The following FOXP4 variants were observed in gnomAD, a reference collection of about 807,000 sequenced individuals.
FOXP4 encodes the protein forkhead box protein P4.
FOXP4 carries 25 observed loss-of-function variants against 82.6 expected under a neutral mutation model. The ratio of observed to expected loss-of-function variants is 0.30; its 90% confidence interval spans 0.22 to 0.42. The LOEUF (loss-of-function observed/expected upper bound fraction) is 0.42, where lower values mean the gene tolerates loss of function less well. Among genes scored for constraint, FOXP4 ranks in the 10% least tolerant of loss-of-function variants. The pLI is 1.00. For synonymous variants in FOXP4, 415 were observed against 388.2 expected, an observed-to-expected ratio of 1.07 and a Z score of -0.81; for missense variants, 785 against 900.9, an observed-to-expected ratio of 0.87 and a Z score of 1.65.
chr6:41,584,316 T>G (rs1421419563), intron 3 of FOXP4, among the ~76,000 whole-genome samples: 3 of 152,232 alleles, frequency 2.0e-5, no homozygotes, highest in African/African-American at 7.2e-5. Context: ...TTGCAGGAAG[T>G]GGTCTCAAAA....
chr6:41,556,491 AT>A (rs1168200451), intron 1 of FOXP4, among the ~76,000 whole-genome samples: 2 of 151,778 alleles, frequency 1.3e-5, no homozygotes, highest in Non-Finnish European at 2.9e-5. Flanking sequence ...CGCCCAGCTA[AT>A]TTTTTGTATT....
At chr6:41,594,042 C>T (rs1440385825) in intron 13 of FOXP4, among the ~76,000 whole-genome samples, 1 of 152,028 alleles carries the variant, frequency 6.6e-6, no homozygotes, top group Non-Finnish European at 1.5e-5. Context: ...CTGAGGGACA[C>T]GATGAGGTGG....
intron 7 of FOXP4, 65 bp downstream of exon 7, chr6:41,587,577 C>G (rs1766224039): frequency 7.5e-7 from 1 of 1,328,590 alleles, no homozygotes; most frequent in South Asian, 1.4e-5. Context: ...GCCCCCCACC[C>G]ATGAGGGCTG....
At chr6:41,565,661 T>C in intron 1 of FOXP4, 84 bp from the exon 2 acceptor site, 1 of 1,232,416 alleles carries the variant, frequency 8.1e-7, no homozygotes, top group Non-Finnish European at 1.1e-6. Context: ...CCTGTGGCGA[T>C]GGTTATGTTT....
intron 3 of FOXP4, among the ~76,000 whole-genome samples, chr6:41,583,770 GC>G (rs1478390562): frequency 2.0e-5 from 3 of 152,196 alleles, no homozygotes; most frequent in Non-Finnish European, 4.4e-5. Flanking sequence ...GACTGCACAA[GC>G]CTGGGGGGTT....
At chr6:41,580,288 C>T (rs2127380368) in intron 3 of FOXP4, among the ~76,000 whole-genome samples, 1 of 152,324 alleles carries the variant, frequency 6.6e-6, no homozygotes, top group South Asian at 2.1e-4. Context: ...GTTGGTCAGG[C>T]TGGTCTCAAA....
intron 13 of FOXP4, 81 bp from the exon 14 acceptor site, chr6:41,594,789 G>T: frequency 6.3e-7 from 1 of 1,584,302 alleles, no homozygotes. Flanking sequence ...TGCTGCGTGG[G>T]ACATGGGATG....
At chr6:41,577,396 A>G (rs1388866244) in intron 2 of FOXP4, among the ~76,000 whole-genome samples, 1 of 152,160 alleles carries the variant, frequency 6.6e-6, no homozygotes, top group African/African-American at 2.4e-5. Context: ...CTCCACAGTG[A>G]ATGCTACTTT....
intron 2 of FOXP4, among the ~76,000 whole-genome samples, chr6:41,569,256 A>G (rs551945664): frequency 6.6e-6 from 1 of 152,314 alleles, no homozygotes; most frequent in East Asian, 1.9e-4. Context: ...CTTACTTTGC[A>G]CTGGGCTCCG....
chr6:41,578,534 T>C (rs1191868654), intron 3 of FOXP4, among the ~76,000 whole-genome samples: 1 of 151,464 alleles, frequency 6.6e-6, no homozygotes, highest in Non-Finnish European at 1.5e-5. Flanking sequence ...CCTTCTCTTA[T>C]CCTCCCCCCT....
Position 41,598,772 on chromosome 6 carries a change from C to A in FOXP4, c.1896-17C>A. On this transcript the variant is annotated splice_polypyrimidine_tract_variant and intron_variant, in intron 16 of 16. Coordinates refer to ENST00000307972, the MANE Select transcript of FOXP4 (RefSeq NM_001012426.2). ...AGAGGACAGCCGCCTGGTGCCCATG[C>A]CATACTTTTGCCTCAGCCACCAGGT... is the stretch of plus-strand genomic sequence containing the variant. 2 of 1,552,530 alleles carry A rather than the reference C, an allele frequency of 1.3e-6. No homozygotes were observed. Among genetic ancestry groups the A allele is most frequent in the South Asian group, 1.2e-5 (1 of 84,220 alleles).
At chr6:41,554,689 A>G (rs1764178880) in intron 1 of FOXP4, among the ~76,000 whole-genome samples, 1 of 151,912 alleles carries the variant, frequency 6.6e-6, no homozygotes, top group African/African-American at 2.4e-5. Flanking sequence ...GCGAAACCCC[A>G]TCTCTACTAA....
At chr6:41,595,087 A>T in intron 14 of FOXP4, 96 bp downstream of exon 14, 1 of 1,545,226 alleles carries the variant, frequency 6.5e-7, no homozygotes, top group Non-Finnish European at 8.8e-7. Flanking sequence ...CATGTGCACC[A>T]GATCCTTCCT....
At chr6:41,586,988 C>A in intron 5 of FOXP4, 21 bp from the exon 6 acceptor site, 1 of 1,558,520 alleles carries the variant, frequency 6.4e-7, no homozygotes. Flanking sequence ...TCTCTGCCCG[C>A]CCCCTCGGGC....
At chr6:41,561,423 A>G (rs933031868) in intron 1 of FOXP4, among the ~76,000 whole-genome samples, 3 of 152,072 alleles carry the variant, frequency 2.0e-5, no homozygotes, top group Admixed American at 2.0e-4. Context: ...GCCAATCCCT[A>G]CCTTATTGTA....
intron 1 of FOXP4, among the ~76,000 whole-genome samples, chr6:41,547,259 C>T (rs1172182695): frequency 6.6e-6 from 1 of 152,120 alleles, no homozygotes; most frequent in East Asian, 1.9e-4. Flanking sequence ...CCGCCCCCTC[C>T]CCGCCGGGCC....
intron 12 of FOXP4, among the ~76,000 whole-genome samples, chr6:41,590,656 C>T (rs1326876953): frequency 6.6e-6 from 1 of 152,106 alleles, no homozygotes; most frequent in Non-Finnish European, 1.5e-5. Context: ...CACTCTTCGT[C>T]TCTCTCCTTT....
intron 9 of FOXP4, among the ~76,000 whole-genome samples, chr6:41,589,385 T>A (rs1420631429): frequency 6.6e-6 from 1 of 152,250 alleles, no homozygotes; most frequent in African/African-American, 2.4e-5. Context: ...CATCAGTTCC[T>A]GCATCTGCAT....
In FOXP4 at chr6:41,546,577, T is replaced by C. The variant is rs1763627810; in HGVS notation, c.-307T>C. Reference sequence around the variant, plus strand: ...TGGGCCGGGGGCGGGGACGCCGGGGTCCGGGAGCCCGGGAGCCGGAGCGAG... The same window carrying C: ...TGGGCCGGGGGCGGGGACGCCGGGGCCCGGGAGCCCGGGAGCCGGAGCGAG... On this transcript the variant is annotated 5_prime_UTR_variant, in exon 1 of 17. Transcript: ENST00000307972. 6.8e-6 allele frequency: 1 copy of C among 146,974 alleles called. No individual in the cohort carries two copies. The highest frequency in any genetic ancestry group is 1.8e-4 in the South Asian group (1 of 5,564). The allele number at this position is 146,974 out of a possible 1,614,324, so 9.1% of individuals were successfully genotyped here.
Sources: allele counts gnomAD v4.1 joint callset (sites outside exome capture counted in the v4.1 genomes callset), GRCh38; gene constraint gnomAD v4.1.1; transcripts MANE v1.5; gene names NCBI Gene and HGNC (gene_info 2026-07-23, HGNC 2026-07-21).